Variants in CPXM2 observed in about 807,000 individuals in gnomAD.
CPXM2 encodes the protein carboxypeptidase X, M14 family member 2.
CPXM2 carries 66 observed loss-of-function variants against 86.1 expected under a neutral mutation model. The observed-to-expected ratio is 0.77, with a 90% CI of 0.63 to 0.94. The LOEUF (loss-of-function observed/expected upper bound fraction) is 0.94. CPXM2 is among the 40% of genes least tolerant of loss of function. The pLI is 0.00. For synonymous variants in CPXM2, 388 were observed against 400.2 expected (o/e 0.97, Z 0.36); for missense variants, 948 against 1,026.3 (o/e 0.92, Z 1.04).
chr10:123,920,092 A>G (rs1914535), intron 2 of CPXM2, among the ~76,000 whole-genome samples: 111,208 of 152,048 alleles, frequency 0.73, 40,928 homozygotes, highest in East Asian at 0.89. Flanking sequence ...ATGAGATTTA[A>G]TGGGGTCAAA....
chr10:123,805,573 T>C (rs1847560733), intron 4 of CPXM2, among the ~76,000 whole-genome samples: 1 of 152,318 alleles, frequency 6.6e-6, no homozygotes, highest in East Asian at 1.9e-4. Flanking sequence ...CTTTAAATCA[T>C]GTCAGCCCTT....
intron 1 of CPXM2, among the ~76,000 whole-genome samples, chr10:123,888,697 G>A (rs532847944): frequency 6.6e-6 from 1 of 152,310 alleles, no homozygotes; most frequent in African/African-American, 2.4e-5. Context: ...GGATTCTGCT[G>A]AGCAAACACC....
At chr10:123,856,226 T>C (rs184382501) in intron 3 of CPXM2, among the ~76,000 whole-genome samples, 1 of 152,332 alleles carries the variant, frequency 6.6e-6, no homozygotes, top group Non-Finnish European at 1.5e-5. Flanking sequence ...TGGTGTTTCA[T>C]TTCTTCTGAT....
intron 4 of CPXM2, among the ~76,000 whole-genome samples, chr10:123,817,046 G>A (rs1459700914): frequency 1.3e-5 from 2 of 152,216 alleles, no homozygotes. Context: ...TTCCTTCTAA[G>A]GTAAAGGATA....
intron 2 of CPXM2, among the ~76,000 whole-genome samples, chr10:123,900,065 G>A (rs939139916): frequency 1.2e-4 from 18 of 152,084 alleles, no homozygotes; most frequent in African/African-American, 7.2e-5. Context: ...TTTTGGAGAC[G>A]GAGTCTCGCC....
chr10:123,844,353 C>T (rs74162953), intron 3 of CPXM2, among the ~76,000 whole-genome samples: 1,918 of 151,998 alleles, frequency 0.013, 34 homozygotes, highest in African/African-American at 0.044. Context: ...GTCTTGAAAA[C>T]GTCACTAACG....
At chr10:123,806,978 C>T (rs557193004) in intron 4 of CPXM2, among the ~76,000 whole-genome samples, 1 of 152,292 alleles carries the variant, frequency 6.6e-6, no homozygotes, top group South Asian at 2.1e-4. Context: ...CTAGCTGCAA[C>T]CCATGTGATA....
rs114350057 is a variant in CPXM2 at position 123,829,412 on chromosome 10, C to T, written c.653+12937G>A. 4.2e-3 allele frequency among the ~76,000 whole-genome samples: 637 copies of T among 151,118 alleles called. 5 individuals are homozygous for T. Among genetic ancestry groups the T allele is most frequent in the African/African-American group, 0.014 (585 of 40,968 alleles). Reference sequence around the variant, plus strand: ...TTTGAGACAGAGTCTCCCTCTATTGCCTCGGCCTCCCAAAGTGCTGGGTTT... The same window carrying T: ...TTTGAGACAGAGTCTCCCTCTATTGTCTCGGCCTCCCAAAGTGCTGGGTTT... On this transcript the variant is annotated intron_variant, in intron 4 of 13. Transcript: ENST00000241305.
chr10:123,865,976 C>G lies in CPXM2; in HGVS notation c.404-3253G>C, dbSNP rs368403171. 6.6e-6 allele frequency among the ~76,000 whole-genome samples: 1 copy of G among 152,108 alleles called. No individual in the cohort carries two copies. Among genetic ancestry groups the G allele is most frequent in the South Asian group, 2.1e-4 (1 of 4,816 alleles). Reference sequence around the variant, plus strand: ...TTCTGTACTGGGCCCCACAATTTCTCCCTCTCAGCCACTCCTCCACCCCCA... The same window carrying G: ...TTCTGTACTGGGCCCCACAATTTCTGCCTCTCAGCCACTCCTCCACCCCCA... On this transcript the variant is annotated intron_variant, in intron 2 of 13. Transcript: ENST00000241305. This position sits in a 1 kb window ranked among gnomAD's most constrained non-coding sequence, Gnocchi z 4.7.
chr10:123,888,763 C>T (rs1375498402), intron 1 of CPXM2, among the ~76,000 whole-genome samples: 1 of 152,176 alleles, frequency 6.6e-6, no homozygotes, highest in Non-Finnish European at 1.5e-5. Flanking sequence ...CTTGTCTTGT[C>T]ATGGTTGGGG....
At chr10:123,760,178 C>G (rs188701683) in intron 11 of CPXM2, among the ~76,000 whole-genome samples, 1 of 152,286 alleles carries the variant, frequency 6.6e-6, no homozygotes, top group East Asian at 1.9e-4. Flanking sequence ...GTGCGGCAGC[C>G]AACTTCGCAA....
At chr10:123,893,463 G>A (rs1031488498), upstream of CPXM2, among the ~76,000 whole-genome samples, 8 of 152,200 alleles carry the variant, frequency 5.3e-5, no homozygotes, top group East Asian at 1.9e-4. Context: ...CAGTTTGAAG[G>A]CCAAAGCAGA....
At chr10:123,748,020 G>T (rs2133962083) in intron 13 of CPXM2, among the ~76,000 whole-genome samples, 1 of 151,444 alleles carries the variant, frequency 6.6e-6, no homozygotes, top group South Asian at 2.1e-4. Flanking sequence ...GCATATCAGA[G>T]ACCATGAAAC....
At chr10:123,763,455 C>T (rs1846394120) in intron 10 of CPXM2, among the ~76,000 whole-genome samples, 1 of 152,062 alleles carries the variant, frequency 6.6e-6, no homozygotes. Context: ...CCCACTGTAT[C>T]CTAAGTGATG....
At chr10:123,893,589 GAA>G (rs1418750745), upstream of CPXM2, among the ~76,000 whole-genome samples, 2 of 152,178 alleles carry the variant, frequency 1.3e-5, no homozygotes, top group African/African-American at 4.8e-5. Flanking sequence ...AGAGCCAGCA[GAA>G]GTCCTCAGGG....
intron 2 of CPXM2, among the ~76,000 whole-genome samples, chr10:123,911,679 G>A (rs1157995366): frequency 6.6e-6 from 1 of 152,010 alleles, no homozygotes; most frequent in Non-Finnish European, 1.5e-5. Context: ...CATGGCAAGA[G>A]ATGAAACTCC....
rs577103079 is a variant in CPXM2, at chr10:123,933,132, C to T, written n.174+6345G>A. ...GATTTTGGAAACCAAGCATGGGGCT[C>T]CACCATGGCCTGGGTAGGGAATGGA... is the stretch of plus-strand genomic sequence containing the variant. On this transcript the variant is annotated intron_variant and non_coding_transcript_variant, in intron 2 of 19. Transcript: ENST00000368854. Among the ~76,000 whole-genome samples the T allele has an allele frequency of 2.2e-4, 33 of 152,302 alleles. No homozygotes were observed. In the South Asian group the frequency reaches 6.8e-3, roughly 32 times the overall value.
chr10:123,831,235 G>C (rs1394663300), intron 4 of CPXM2, among the ~76,000 whole-genome samples: 2 of 152,178 alleles, frequency 1.3e-5, no homozygotes, highest in East Asian at 3.8e-4. Flanking sequence ...AGAACTAAAA[G>C]TACCAAGGTA....
At chr10:123,902,389 A>G (rs1206687104) in intron 2 of CPXM2, among the ~76,000 whole-genome samples, 1 of 152,190 alleles carries the variant, frequency 6.6e-6, no homozygotes, top group Non-Finnish European at 1.5e-5. Flanking sequence ...CCTGATAGAG[A>G]ATTATGGTGA....
Sources: allele counts gnomAD v4.1 joint callset (sites outside exome capture counted in the v4.1 genomes callset), GRCh38; gene constraint gnomAD v4.1.1; non-coding constraint Gnocchi (gnomAD v3.1); transcripts MANE v1.5; gene names NCBI Gene and HGNC (gene_info 2026-07-23, HGNC 2026-07-21).